The following CCDC88C variants were observed in gnomAD, a reference collection of about 807,000 sequenced individuals.
CCDC88C encodes coiled-coil and HOOK domain protein 88C.
CCDC88C carries 131 observed loss-of-function variants against 198.8 expected under a neutral mutation model. The ratio of observed to expected loss-of-function variants is 0.66; its 90% CI spans 0.57 to 0.76. The LOEUF (loss-of-function observed/expected upper bound fraction) is 0.76. CCDC88C is among the 30% of genes least tolerant of loss of function. The pLI is 0.00. For missense variants in CCDC88C, 2,553 were observed against 2,631.6 expected (o/e 0.97, Z 0.65); for synonymous variants, 1,166 against 1,114.7 (o/e 1.05, Z -0.92).
Position 91,315,724 on chromosome 14 carries a change from T to C in CCDC88C, c.1591A>G (p.Ser531Gly), listed in dbSNP as rs1216366684. The change falls in exon 14 of 30, where the codon AGT becomes GGT. Residue 531 changes from serine (S) to glycine (G), a missense_variant. Ser to Gly is a moderately conservative substitution (Grantham distance 56, BLOSUM62 0). This residue lies in a region of CCDC88C where 1,260 missense variants were observed against 1,412.0 expected (regional missense o/e 0.89). Transcript: ENST00000389857. ...TCCTTCTCTCTGATCAGCTCCTCAC[T>C]GAGGGTCTCCAGATCTTGGTTGCTC... Reference protein sequence around the residue: ...KQSNQDLETLSEELIREKEQL... With the variant: ...KQSNQDLETLGEELIREKEQL... 1.9e-6 allele frequency: 3 copies of C among 1,613,876 alleles called. No individual in the cohort carries two copies. In the South Asian group the frequency reaches 3.3e-5, roughly 18 times the overall value.
chr14:91,412,470 C>G (rs1002491788), intron 2 of CCDC88C, among the ~76,000 whole-genome samples: 2 of 149,028 alleles, frequency 1.3e-5, no homozygotes, highest in Non-Finnish European at 3.0e-5. Flanking sequence ...GAGTCTGGCT[C>G]TGTTGCCCAG....
chr14:91,308,532 T>C, intron 16 of CCDC88C, 40 bp from the exon 17 acceptor site: 8 of 1,602,060 alleles, frequency 5.0e-6, no homozygotes, highest in Non-Finnish European at 6.8e-6. Context: ...CTTATCTACT[T>C]CCTCTCCGCA....
intron 29 of CCDC88C, among the ~76,000 whole-genome samples, chr14:91,276,295 A>C (rs1889962064): frequency 1.3e-5 from 2 of 152,380 alleles, no homozygotes; most frequent in South Asian, 2.1e-4. Flanking sequence ...CCTGAGTTTG[A>C]GAACCACAAC....
rs372168003 is a variant in CCDC88C, at chr14:91,313,414, C to T, written c.2402G>A (p.Arg801Gln). ...GGCCAGCCGGAGGGCCTCCAGGTCC[C>T]GCCGCAGCGCCTGGCGCTCAGCCTC... ...ELEAERQALR[R>Q]DLEALRLANA... is the part of the protein sequence containing the mutation. The change falls in exon 15 of 30, where the codon CGG (arginine) becomes CAG (glutamine). Residue 801 changes from arginine (R) to glutamine (Q), a missense_variant. Around this residue, in one of 2 missense-constraint regions of CCDC88C, gnomAD observed 1,260 missense variants for 1,412.0 expected, o/e 0.89. Transcript: ENST00000389857. This position sits in a 1 kb window ranked among gnomAD's most constrained non-coding sequence, Gnocchi z 5.2. 95 of 1,607,408 alleles carry T rather than the reference C, an allele frequency of 5.9e-5. 1 individual carries two copies. Among genetic ancestry groups the T allele is most frequent in the African/African-American group, 4.1e-4 (31 of 75,026 alleles).
In CCDC88C at chr14:91,404,947, A is replaced by G. The variant is rs1473392451; in HGVS notation, c.270+3712T>C. ...GCCACTGCACTCCAGGCTGGGCGAC[A>G]GAGCGAGACTCCATCTCAAAAAAAA... is the stretch of plus-strand genomic sequence containing the variant. On this transcript the variant is annotated intron_variant, in intron 3 of 29. Coordinates refer to ENST00000389857, the MANE Select transcript of CCDC88C (RefSeq NM_001080414.4). 1.1e-4 allele frequency among the ~76,000 whole-genome samples: 16 copies of G among 150,478 alleles called. No homozygotes were observed. The Admixed American group carries it at 1.1e-3, about 10-fold the overall frequency.
chr14:91,357,394 G>A (rs1333331934), intron 4 of CCDC88C, among the ~76,000 whole-genome samples: 1 of 152,244 alleles, frequency 6.6e-6, no homozygotes, highest in Non-Finnish European at 1.5e-5. Flanking sequence ...CTAGGACTAT[G>A]AGTGCGTGTC....
chr14:91,294,193 A>C lies in CCDC88C; in HGVS notation c.4092T>G (p.His1364Gln), dbSNP rs779760530. 1.9e-6 allele frequency: 3 copies of C among 1,613,788 alleles called. No individual in the cohort carries two copies. The African/African-American group carries it at 4.0e-5, about 22-fold the overall frequency. The stretch of plus-strand genomic sequence containing the variant: ...CTTACATGTACTGCTTCTGCTCCTC[A>C]TGGTACTGCTCCTTGTTCTCCATGT... ...EQNMENKEQYHEEQKQYIDKL... is the reference protein window; with the variant it reads ...EQNMENKEQYQEEQKQYIDKL... The change falls in exon 23 of 30, where the codon CAT (histidine) becomes CAG (glutamine). Residue 1364 changes from histidine to glutamine, a missense_variant. His to Gln is a conservative substitution (Grantham distance 24, BLOSUM62 0). This residue lies in a region of CCDC88C where 1,293 missense variants were observed against 1,219.6 expected (regional missense o/e 1.06). Coordinates refer to ENST00000389857, the MANE Select transcript of CCDC88C (RefSeq NM_001080414.4).
At chr14:91,417,422 G>A (rs1887123661) in intron 1 of CCDC88C, 2 of 572,584 alleles carry the variant, frequency 3.5e-6, no homozygotes. Flanking sequence ...GGGGTCCCGC[G>A]CCGGACGCAC....
chr14:91,359,506 T>C (rs1321885007), intron 4 of CCDC88C, 136 bp downstream of exon 4: 1 of 698,182 alleles, frequency 1.4e-6, no homozygotes, highest in African/African-American at 1.8e-5. Flanking sequence ...ACCCACTCTT[T>C]AAAATCTCAC....
At position 91,371,712 on chromosome 14, in the gene CCDC88C, G is replaced by A. The variant is rs898958141; in HGVS notation, c.271-12001C>T. Among the ~76,000 whole-genome samples, 129 of 152,290 alleles carry A rather than the reference G, an allele frequency of 8.5e-4. No homozygotes were observed. Among genetic ancestry groups the A allele is most frequent in the African/African-American group, 3.0e-3 (126 of 41,554 alleles). On this transcript the variant is annotated intron_variant, in intron 3 of 29. Coordinates refer to ENST00000389857, the MANE Select transcript of CCDC88C (RefSeq NM_001080414.4). The surrounding 1 kb of genome is among the most constrained non-coding windows in gnomAD (Gnocchi z 4.2). ...CAGCAAGTAGCTGGGCTGGGGGAAC[G>A]TGGCGCCTGCCCACACAGTGTCCCA...
At chr14:91,406,808 C>A (rs1040274597) in intron 3 of CCDC88C, among the ~76,000 whole-genome samples, 2 of 152,346 alleles carry the variant, frequency 1.3e-5, no homozygotes, top group Non-Finnish European at 2.9e-5. Context: ...GCGAGGGAGA[C>A]GCCAGCAGAA....
Position 91,288,105 on chromosome 14 carries a change from C to A in CCDC88C, c.4441+1000G>T, listed in dbSNP as rs1424082354. Among the ~76,000 whole-genome samples, 2 of 152,146 alleles carry A rather than the reference C, an allele frequency of 1.3e-5. No homozygotes were observed. Among genetic ancestry groups the A allele is most frequent in the African/African-American group, 2.4e-5 (1 of 41,440 alleles). ...TACGTGTGTGTACAAAAATCGAATT[C>A]TTATTTAGAAAAGCTCTTTCAACAA... On this transcript the variant is annotated intron_variant, in intron 25 of 29. Coordinates refer to ENST00000389857, the MANE Select transcript of CCDC88C (RefSeq NM_001080414.4). This position sits in a 1 kb window ranked among gnomAD's most constrained non-coding sequence, Gnocchi z 4.2.
intron 14 of CCDC88C, 146 bp downstream of exon 14, chr14:91,315,504 T>G: frequency 1.1e-6 from 1 of 915,232 alleles, no homozygotes; most frequent in Non-Finnish European, 1.6e-6. Context: ...AGTTGGGAAA[T>G]TGAGAATTGC....
chr14:91,357,672 C>T (rs1041462523), intron 4 of CCDC88C, among the ~76,000 whole-genome samples: 13 of 152,246 alleles, frequency 8.5e-5, no homozygotes, highest in African/African-American at 2.2e-4. Context: ...CATCTCCTCC[C>T]GTAACCAGCC....
chr14:91,277,982 G>A lies in CCDC88C; in HGVS notation c.4998C>T (p.Ser1666=). 1.3e-6 allele frequency: 2 copies of A among 1,563,146 alleles called. No individual in the cohort carries two copies. The highest frequency in any genetic ancestry group is 1.7e-6 in the Non-Finnish European group (2 of 1,151,376). The change falls in exon 29 of 30, where the codon AGC becomes AGT. Residue 1666 remains serine, a synonymous_variant. Transcript: ENST00000389857. ...ACTCCTCCAAGGTGACCATCTCACT[G>A]CTGGGGGAGGCCGAGCAGGGCCGCA... is the stretch of plus-strand genomic sequence containing the variant. The part of the protein sequence containing the change: ...VGVRPCSASP[S]SEMVTLEEFL...
intron 2 of CCDC88C, among the ~76,000 whole-genome samples, chr14:91,411,356 C>T (rs906800525): frequency 1.3e-5 from 2 of 152,224 alleles, no homozygotes; most frequent in African/African-American, 4.8e-5. Flanking sequence ...CAGGATCCTT[C>T]CGGCCTTCAA....
Position 91,313,748 on chromosome 14 carries a change from G to A in CCDC88C, c.2068C>T (p.Leu690=), listed in dbSNP as rs1309433769. The change falls in exon 15 of 30, where the codon CTG becomes TTG. Residue 690 remains leucine (L), a synonymous_variant. Coordinates refer to ENST00000389857, the MANE Select transcript of CCDC88C (RefSeq NM_001080414.4). The surrounding 1 kb of genome is among the most constrained non-coding windows in gnomAD (Gnocchi z 5.2). The part of the protein sequence containing the change: ...KSLDTLQNVS[L]QLEGLERDNK... ...TCACGCTCCAGGCCCTCAAGCTGCA[G>A]GGACACGTTCTGCAAGGTGTCCAGA... 6.2e-6 allele frequency: 10 copies of A among 1,608,686 alleles called. No individual in the cohort carries two copies. Among genetic ancestry groups the A allele is most frequent in the Non-Finnish European group, 7.6e-6 (9 of 1,179,784 alleles).
chr14:91,369,356 G>A lies in CCDC88C; in HGVS notation c.271-9645C>T, dbSNP rs950152045. Among the ~76,000 whole-genome samples the A allele has an allele frequency of 2.0e-5, 3 of 152,136 alleles. No homozygotes were observed. In the South Asian group the frequency reaches 6.2e-4, roughly 32 times the overall value. On this transcript the variant is annotated intron_variant, in intron 3 of 29. Coordinates refer to ENST00000389857, the MANE Select transcript of CCDC88C (RefSeq NM_001080414.4). ...GAAGTAGCTGGGATTACAGGCGCCTGCCGTCATGTCCGGCTAATTTTCGTA... is the reference window on the plus strand; with the variant it reads ...GAAGTAGCTGGGATTACAGGCGCCTACCGTCATGTCCGGCTAATTTTCGTA...
intron 10 of CCDC88C, among the ~76,000 whole-genome samples, chr14:91,327,746 G>T (rs975172369): frequency 6.6e-6 from 1 of 152,098 alleles, no homozygotes; most frequent in Non-Finnish European, 1.5e-5. Flanking sequence ...TTTTCTCTCT[G>T]GCTACTGCCC....
Sources: gnomAD v4.1 joint callset for allele counts (sites outside exome capture counted in the v4.1 genomes callset) on GRCh38, gnomAD v4.1.1 for gene constraint, gnomAD v4.1.1 regional missense constraint, Gnocchi (gnomAD v3.1) non-coding constraint, MANE v1.5 for transcripts, NCBI Gene and HGNC (gene_info 2026-07-23, HGNC 2026-07-21) for gene names.